The following MED13L variants were observed in gnomAD, a reference collection of about 807,000 sequenced individuals.
MED13L encodes mediator of RNA polymerase II transcription subunit 13-like.
Under a neutral mutation model 220.9 loss-of-function variants are expected in MED13L, and 7 were observed. The observed-to-expected ratio is 0.03, with a 90% CI of 0.02 to 0.06. The LOEUF (loss-of-function observed/expected upper bound fraction) is 0.06. Ranked by LOEUF, MED13L falls within the 10% of genes least tolerant of loss-of-function variation. The pLI is 1.00. For synonymous variants in MED13L, 1,011 were observed against 1,015.2 expected (o/e 1.00, Z 0.08); for missense variants, 1,965 against 2,760.5 (o/e 0.71, Z 6.46).
chr12:116,029,757 GAAT>G (rs1880615894), intron 4 of MED13L, among the ~76,000 whole-genome samples: 1 of 152,060 alleles, frequency 6.6e-6, no homozygotes, highest in South Asian at 2.1e-4. Flanking sequence ...GAAAAAATTT[GAAT>G]AAGAAGAAAC....
chr12:116,121,822 G>A (rs959695589), intron 2 of MED13L, among the ~76,000 whole-genome samples: 1 of 152,116 alleles, frequency 6.6e-6, no homozygotes, highest in Non-Finnish European at 1.5e-5. Context: ...ATTGAGTTCA[G>A]CAACGGCATT....
At chr12:116,116,858 TGA>T (rs1273312295) in intron 2 of MED13L, among the ~76,000 whole-genome samples, 1 of 151,394 alleles carries the variant, frequency 6.6e-6, no homozygotes, top group South Asian at 2.1e-4. Flanking sequence ...TTTTGTGTTG[TGA>T]GAGTACATGA....
chr12:116,073,449 T>C (rs914293837), intron 4 of MED13L, among the ~76,000 whole-genome samples: 2 of 152,186 alleles, frequency 1.3e-5, no homozygotes, highest in African/African-American at 4.8e-5. Context: ...AGGTTACTAT[T>C]CTCTCATTCA....
chr12:116,105,152 C>A (rs913279817), intron 3 of MED13L, among the ~76,000 whole-genome samples: 1 of 152,084 alleles, frequency 6.6e-6, no homozygotes, highest in Admixed American at 6.5e-5. Context: ...TTTTTCCCAT[C>A]GTCTATTGAT....
chr12:116,008,626 T>C lies in MED13L; in HGVS notation c.1787A>G (p.Asp596Gly). The C allele has an allele frequency of 6.2e-7, 1 of 1,614,102 alleles. No homozygotes were observed. The highest frequency in any genetic ancestry group is 8.5e-7 in the Non-Finnish European group (1 of 1,180,012). Reference protein sequence around the residue: ...GLELQQLSTLDDRTVLVGQRL... With the variant: ...GLELQQLSTLGDRTVLVGQRL... ...TTGGCCTACGAGGACAGTTCTGTCA[T>C]CCAGAGTAGACAACTGCTGGAGTTC... is the stretch of plus-strand genomic sequence containing the variant. Residue 596 changes from aspartate to glycine, a missense_variant, in exon 10 of 31, where the codon GAT (aspartate) becomes GGT (glycine). Physicochemically the swap from Asp to Gly is moderately conservative, Grantham distance 94. Transcript: ENST00000281928.
intron 4 of MED13L, among the ~76,000 whole-genome samples, chr12:116,032,562 AATT>A (rs1220761423): frequency 2.6e-5 from 4 of 152,106 alleles, no homozygotes; most frequent in Non-Finnish European, 5.9e-5. Context: ...AAACAATCAC[AATT>A]TGAAATTACT....
intron 2 of MED13L, among the ~76,000 whole-genome samples, chr12:116,173,602 A>T (rs1284390047): frequency 6.6e-6 from 1 of 152,186 alleles, no homozygotes; most frequent in East Asian, 1.9e-4. Context: ...AACAGTGGTA[A>T]AAGCATTTCA....
chr12:115,968,199 C>T (rs867343489), intron 28 of MED13L, among the ~76,000 whole-genome samples: 3 of 152,078 alleles, frequency 2.0e-5, no homozygotes, highest in Non-Finnish European at 2.9e-5. Context: ...AGTCTCATAA[C>T]ATTTTAAATA....
chr12:116,024,828 C>G (rs1880295159), intron 4 of MED13L, among the ~76,000 whole-genome samples: 1 of 135,818 alleles, frequency 7.4e-6, no homozygotes, highest in Non-Finnish European at 1.5e-5. Flanking sequence ...GGTCTAGTGT[C>G]ATTCCTCTGC....
intron 2 of MED13L, among the ~76,000 whole-genome samples, chr12:116,188,948 T>C (rs919179892): frequency 3.7e-4 from 57 of 152,220 alleles, no homozygotes; most frequent in African/African-American, 1.3e-3. Context: ...ATATACAGTT[T>C]AACCTTTCAT....
chr12:116,019,956 A>G lies in MED13L; in HGVS notation c.642T>C (p.Tyr214=). The G allele has an allele frequency of 6.2e-7, 1 of 1,613,692 alleles. No homozygotes were observed. Among genetic ancestry groups the G allele is most frequent in the East Asian group, 2.2e-5 (1 of 44,842 alleles). The part of the protein sequence containing the change: ...PAPFQVLVSP[Y]GLNGTLTGQA... ...GGCCTGTTAGCGTCCCATTTAAGCC[A>G]TAAGGACTTACCAGTACTATGGAGG... is the stretch of plus-strand genomic sequence containing the variant. The change falls in exon 6 of 31, where the codon TAT becomes TAC. Residue 214 remains tyrosine, a synonymous_variant. Coordinates refer to ENST00000281928, the MANE Select transcript of MED13L (RefSeq NM_015335.5).
intron 2 of MED13L, among the ~76,000 whole-genome samples, chr12:116,195,743 TTTACTC>T (rs1410109673): frequency 5.3e-5 from 8 of 151,858 alleles, no homozygotes; most frequent in Non-Finnish European, 1.2e-4. Flanking sequence ...GAGCCACTCT[TTTACTC>T]TTTATAAAAG....
intron 4 of MED13L, among the ~76,000 whole-genome samples, chr12:116,052,773 C>G (rs750617346): frequency 6.6e-6 from 1 of 152,146 alleles, no homozygotes; most frequent in Non-Finnish European, 1.5e-5. Context: ...GAAGAGGAAG[C>G]AGGGGAACAG....
At chr12:115,984,078 T>C in intron 20 of MED13L, 102 bp downstream of exon 20, 3 of 1,308,386 alleles carry the variant, frequency 2.3e-6, no homozygotes, top group Non-Finnish European at 3.2e-6. Flanking sequence ...CAGCATTACT[T>C]GAGACAAAAG....
At chr12:116,225,691 C>T (rs144412354) in intron 2 of MED13L, among the ~76,000 whole-genome samples, 166 of 152,158 alleles carry the variant, frequency 1.1e-3, no homozygotes, top group African/African-American at 3.7e-3. Context: ...TAGCAAACAC[C>T]AAAGCAGCTT....
chr12:116,237,492 C>T lies in MED13L; in HGVS notation c.286G>A (p.Gly96Ser). Residue 96 changes from glycine (G) to serine (S), a missense_variant, in exon 2 of 31, where the codon GGT becomes AGT. Coordinates refer to ENST00000281928, the MANE Select transcript of MED13L (RefSeq NM_015335.5). ...FWWGDEPNLV[G>S]VIHHELQVVE... ...CCCTGCAGTTCATGATGTATTACAC[C>T]CACTAGGTTGGGTTCATCTCCCCAC... 6.2e-7 allele frequency: 1 copy of T among 1,613,366 alleles called. No homozygotes were observed. Among genetic ancestry groups the T allele is most frequent in the Non-Finnish European group, 8.5e-7 (1 of 1,179,392 alleles).
At chr12:116,060,801 A>G (rs1249757262) in intron 4 of MED13L, among the ~76,000 whole-genome samples, 2 of 152,082 alleles carry the variant, frequency 1.3e-5, no homozygotes, top group Non-Finnish European at 2.9e-5. Flanking sequence ...TATTATCTTA[A>G]GCACACACAC....
chr12:116,134,909 C>A lies in MED13L; in HGVS notation c.311-23397G>T, dbSNP rs185344122. On this transcript the variant is annotated intron_variant, in intron 2 of 30. Transcript: ENST00000281928. ...ATGTGGCCGGGCGCAGTGGCTCACA[C>A]CTGTAACCCCAGCACTTTGGGAGAC... Among the ~76,000 whole-genome samples, 4 of 152,256 alleles carry A rather than the reference C, an allele frequency of 2.6e-5. No individual in the cohort carries two copies. The East Asian group carries it at 7.7e-4, about 29-fold the overall frequency.
chr12:116,251,586 C>T (rs540088302), intron 1 of MED13L, among the ~76,000 whole-genome samples: 131 of 150,344 alleles, frequency 8.7e-4, no homozygotes, highest in African/African-American at 3.0e-3. Flanking sequence ...AGTGAAACTC[C>T]GTCTCTACTA....
Sources: allele counts gnomAD v4.1 joint callset (sites outside exome capture counted in the v4.1 genomes callset), GRCh38; gene constraint gnomAD v4.1.1; transcripts MANE v1.5; gene names NCBI Gene and HGNC (gene_info 2026-07-23, HGNC 2026-07-21).